Variants in DPY19L2 observed in about 807,000 individuals in gnomAD.
The protein encoded by DPY19L2 is probable C-mannosyltransferase DPY19L2.
In DPY19L2, 34 loss-of-function variants were observed where a neutral mutation model predicts 97.9. That is an observed-to-expected ratio of 0.35 (90% CI 0.26 to 0.46). DPY19L2 has a LOEUF of 0.46. DPY19L2 is among the 20% of genes least tolerant of loss of function. The probability of loss-of-function intolerance (pLI) is 1.00; values close to 1 mark genes in which losing one functional copy is unlikely to be tolerated. For missense variants in DPY19L2, 623 were observed against 911.4 expected (o/e 0.68, Z 4.07); for synonymous variants, 230 against 307.9 (o/e 0.75, Z 2.65).
At chr12:63,618,379 G>A (rs1888170345) in intron 9 of DPY19L2, 151 bp from the exon 10 acceptor site, 1 of 353,544 alleles carries the variant, frequency 2.8e-6, no homozygotes. Context: ...GAACTAGAAT[G>A]GCTAGGAAAA....
chr12:63,638,220 G>A (rs527964502), intron 6 of DPY19L2, among the ~76,000 whole-genome samples: 2 of 152,162 alleles, frequency 1.3e-5, no homozygotes, highest in Non-Finnish European at 2.9e-5. Context: ...AAAATAATAA[G>A]AGCTATCTAT....
chr12:63,601,586 C>T (rs1246711921), intron 12 of DPY19L2, among the ~76,000 whole-genome samples: 1 of 151,772 alleles, frequency 6.6e-6, no homozygotes, highest in Non-Finnish European at 1.5e-5. Flanking sequence ...TGAGGGGAGA[C>T]CCATAAAAGG....
intron 4 of DPY19L2, among the ~76,000 whole-genome samples, chr12:63,657,797 C>T (rs1482285418): frequency 6.6e-6 from 1 of 152,152 alleles, no homozygotes; most frequent in African/African-American, 2.4e-5. Context: ...AGAGCCTGCT[C>T]ACCTTCACAT....
rs1878683641 is a variant in DPY19L2 at position 63,570,793 on chromosome 12, A to G, written c.1965T>C (p.Ile655=). 20 of 1,613,004 alleles carry G rather than the reference A, an allele frequency of 1.2e-5. No homozygotes were observed. The highest frequency in any genetic ancestry group is 1.6e-5 in the Non-Finnish European group (19 of 1,179,512). Residue 655 remains isoleucine (I), a synonymous_variant, in exon 20 of 22, where the codon ATT becomes ATC. Transcript: ENST00000324472. ...CATCTTCGTAATGTGGATGATTCAC[A>G]ATGGGATGAAGTGTAGACAGCTTGA... The part of the protein sequence containing the change: ...ASIKLSTLHP[I]VNHPHYEDAD...
intron 7 of DPY19L2, among the ~76,000 whole-genome samples, chr12:63,626,129 T>C (rs1889496824): frequency 6.6e-6 from 1 of 151,468 alleles, no homozygotes; most frequent in Non-Finnish European, 1.5e-5. Context: ...ATAACTTGTA[T>C]GGTGAGGCTA....
At chr12:63,648,653 C>A (rs993330849) in intron 4 of DPY19L2, among the ~76,000 whole-genome samples, 2 of 151,990 alleles carry the variant, frequency 1.3e-5, no homozygotes, top group African/African-American at 2.4e-5. Flanking sequence ...GTCTCAAACT[C>A]CTGACCTCAG....
intron 4 of DPY19L2, among the ~76,000 whole-genome samples, chr12:63,654,807 G>A (rs1177991477): frequency 2.6e-5 from 4 of 152,110 alleles, no homozygotes; most frequent in Non-Finnish European, 5.9e-5. Context: ...AAATGCATAT[G>A]TGCCAAACAT....
chr12:63,638,485 A>T (rs999686607), intron 6 of DPY19L2, among the ~76,000 whole-genome samples: 4 of 152,160 alleles, frequency 2.6e-5, no homozygotes, highest in African/African-American at 9.7e-5. Flanking sequence ...AAATCTCCTT[A>T]AGCTGATAGG....
At chr12:63,589,859 T>C (rs1882579170) in intron 16 of DPY19L2, among the ~76,000 whole-genome samples, 1 of 152,180 alleles carries the variant, frequency 6.6e-6, no homozygotes, top group South Asian at 2.1e-4. Flanking sequence ...CCGGGCACAG[T>C]GGCTCATGCC....
At chr12:63,561,966 G>C (rs952708924) in intron 21 of DPY19L2, among the ~76,000 whole-genome samples, 9 of 152,074 alleles carry the variant, frequency 5.9e-5, no homozygotes, top group African/African-American at 2.2e-4. Flanking sequence ...TTATAGTATG[G>C]TTATGGATGA....
intron 12 of DPY19L2, among the ~76,000 whole-genome samples, chr12:63,601,451 A>T (rs1440194304): frequency 6.6e-6 from 1 of 152,142 alleles, no homozygotes; most frequent in Admixed American, 6.5e-5. Context: ...GCATATATCA[A>T]CCAACAAGTA....
At chr12:63,659,907 T>C (rs1895453363) in intron 4 of DPY19L2, among the ~76,000 whole-genome samples, 1 of 152,174 alleles carries the variant, frequency 6.6e-6, no homozygotes, top group African/African-American at 2.4e-5. Flanking sequence ...TTATATATGT[T>C]GTTGACAGAA....
intron 6 of DPY19L2, among the ~76,000 whole-genome samples, chr12:63,628,377 G>A (rs186502037): frequency 6.6e-6 from 1 of 152,250 alleles, no homozygotes; most frequent in East Asian, 1.9e-4. Context: ...CTAACAGTGC[G>A]CTTTTCCAAC....
intron 2 of DPY19L2, among the ~76,000 whole-genome samples, chr12:63,664,174 T>C (rs1896044207): frequency 6.6e-6 from 1 of 151,874 alleles, no homozygotes; most frequent in Non-Finnish European, 1.5e-5. Flanking sequence ...CCGTCTGTAC[T>C]AAAAACACAA....
At chr12:63,587,604 C>G in intron 16 of DPY19L2, among the ~76,000 whole-genome samples, 1 of 110,242 alleles carries the variant, frequency 9.1e-6, no homozygotes, top group Non-Finnish European at 1.9e-5. Flanking sequence ...GAGACAGAGC[C>G]TCGCACTGTT....
At chr12:63,596,813 A>G (rs1884326563) in intron 14 of DPY19L2, among the ~76,000 whole-genome samples, 1 of 152,178 alleles carries the variant, frequency 6.6e-6, no homozygotes, top group African/African-American at 2.4e-5. Flanking sequence ...CTGGATTGAG[A>G]GTTCTAGAAT....
intron 16 of DPY19L2, among the ~76,000 whole-genome samples, chr12:63,584,368 C>T (rs1285392485): frequency 6.6e-6 from 1 of 152,108 alleles, no homozygotes; most frequent in Non-Finnish European, 1.5e-5. Context: ...TTATAGTACA[C>T]CTACTGTATT....
In DPY19L2 at chr12:63,668,250, T is replaced by A. The variant is rs759097126; in HGVS notation, c.144A>T (p.Pro48=). ...CCGGGGAGGACCTCCAGGAGCCCCT[T>A]GGCAGTTTCCCGCCGCCTAGGGCCG... ...EKSALGGGKL[P]RGSWRSSPGR... The change falls in exon 1 of 22, where the codon CCA becomes CCT. Residue 48 remains proline, a synonymous_variant. Coordinates refer to ENST00000324472, the MANE Select transcript of DPY19L2 (RefSeq NM_173812.5). 1 of 1,613,846 alleles carries A rather than the reference T, an allele frequency of 6.2e-7. No individual in the cohort carries two copies.
rs542251699 is a variant in DPY19L2, at chr12:63,580,581, A to C, written c.1900+81T>G. 8 of 1,371,482 alleles carry C rather than the reference A, an allele frequency of 5.8e-6. No homozygotes were observed. In the African/African-American group the frequency reaches 8.8e-5, roughly 15 times the overall value. The allele number at this position is 1,371,482 out of a possible 1,614,324, so 85.0% of individuals were successfully genotyped here. On this transcript the variant is annotated intron_variant, in intron 19 of 21. Coordinates refer to ENST00000324472, the MANE Select transcript of DPY19L2 (RefSeq NM_173812.5). Reference sequence around the variant, plus strand: ...TACACACATACACACATATATCAGAAATGACAATAATTATATATAGTATAC... The same window carrying C: ...TACACACATACACACATATATCAGACATGACAATAATTATATATAGTATAC...
Sources: allele counts gnomAD v4.1 joint callset (sites outside exome capture counted in the v4.1 genomes callset), GRCh38; gene constraint gnomAD v4.1.1; transcripts MANE v1.5; gene names NCBI Gene and HGNC (gene_info 2026-07-23, HGNC 2026-07-21).